C2orf49: variants seen among roughly 807,000 people sequenced by gnomAD.
The protein encoded by C2orf49 is tRNA splicing ligase complex subunit 2, also known as tRNA-splicing ligase complex subunit ASW.
A neutral mutation model predicts 20.6 loss-of-function variants in C2orf49; 11 were observed. That is an observed-to-expected ratio of 0.53 (90% CI 0.34 to 0.88). The LOEUF is 0.88. Among genes scored for constraint, C2orf49 ranks in the 40% least tolerant of loss-of-function variants. The pLI is 0.02. For synonymous variants in C2orf49, 134 were observed against 108.5 expected (o/e 1.24, Z -1.46); for missense variants, 289 against 274.2 (o/e 1.05, Z -0.38).
In C2orf49 at chr2:105,339,579, G is replaced by A. The variant is rs369458082; in HGVS notation, c.100-4G>A. 9.3e-5 allele frequency: 147 copies of A among 1,574,716 alleles called. No homozygotes were observed. The highest frequency in any genetic ancestry group is 8.3e-4 in the African/African-American group (60 of 72,160). ...TGAAATTACTTTTGTTTCCTTTCCC[G>A]CAGAAGAACATAGCTGTTGAAACTG... is the stretch of plus-strand genomic sequence containing the variant. On this transcript the variant is annotated splice_region_variant and splice_polypyrimidine_tract_variant and intron_variant, in intron 1 of 3. Coordinates refer to ENST00000258457, the MANE Select transcript of C2orf49 (RefSeq NM_024093.3).
chr2:105,364,042 A>G, the C2orf49 span, among the ~76,000 whole-genome samples: 1 of 152,182 alleles, frequency 6.6e-6, no homozygotes, highest in African/African-American at 2.4e-5. Flanking sequence ...GGATCACTTG[A>G]GGTCAGGAGT....
At chr2:105,378,286 A>G in the C2orf49 span, 22 of 434,698 alleles carry the variant, frequency 5.1e-5, no homozygotes, top group South Asian at 3.9e-4. Context: ...TGTGGATATT[A>G]TCCACATGTT....
At chr2:105,352,637 G>A (rs1355102468), downstream of C2orf49, among the ~76,000 whole-genome samples, 1 of 151,514 alleles carries the variant, frequency 6.6e-6, no homozygotes, top group African/African-American at 2.4e-5. Context: ...GTAGAGACGG[G>A]GTTTCACCAT....
At chr2:105,355,454 G>T in the C2orf49 span, among the ~76,000 whole-genome samples, 1 of 152,152 alleles carries the variant, frequency 6.6e-6, no homozygotes, top group African/African-American at 2.4e-5. Flanking sequence ...CTTTTTAAAG[G>T]TAGTGATTAA....
At chr2:105,350,348 A>G (rs570719123), downstream of C2orf49, among the ~76,000 whole-genome samples, 2 of 152,248 alleles carry the variant, frequency 1.3e-5, no homozygotes, top group South Asian at 4.1e-4. Context: ...GGGCAGTGGT[A>G]GTATAAAATG....
the C2orf49 span, chr2:105,359,442 A>T: frequency 6.6e-6 from 1 of 152,256 alleles, no homozygotes; most frequent in Non-Finnish European, 1.5e-5. Context: ...TAACACTCAG[A>T]TTAAGAAACT....
chr2:105,379,524 G>A, the C2orf49 span, among the ~76,000 whole-genome samples: 1 of 152,116 alleles, frequency 6.6e-6, no homozygotes, highest in Non-Finnish European at 1.5e-5. Context: ...ATGAAATAAA[G>A]TTTTATTCTT....
the C2orf49 span, chr2:105,357,598 T>A: frequency 6.6e-6 from 1 of 152,350 alleles, no homozygotes; most frequent in South Asian, 2.1e-4. Flanking sequence ...TCTAGATTAC[T>A]TATAATAATA....
the C2orf49 span, among the ~76,000 whole-genome samples, chr2:105,372,825 G>A: frequency 6.6e-6 from 1 of 152,160 alleles, no homozygotes; most frequent in Middle Eastern, 3.4e-3. Context: ...CCAAAGTACT[G>A]GAATTACAGG....
the C2orf49 span, among the ~76,000 whole-genome samples, chr2:105,362,538 A>T: frequency 6.6e-6 from 1 of 152,216 alleles, no homozygotes; most frequent in African/African-American, 2.4e-5. Context: ...CCTTCCTCTG[A>T]TAGGAACGAA....
At chr2:105,360,001 G>C in the C2orf49 span, 1 of 152,186 alleles carries the variant, frequency 6.6e-6, no homozygotes, top group Non-Finnish European at 1.5e-5. Context: ...AAGAGAAAGA[G>C]TATGGGAAAG....
chr2:105,383,790 T>A, the C2orf49 span, among the ~76,000 whole-genome samples: 1 of 152,228 alleles, frequency 6.6e-6, no homozygotes, highest in Non-Finnish European at 1.5e-5. Flanking sequence ...ACCCGATTAT[T>A]TTTGAAAGTC....
the C2orf49 span, among the ~76,000 whole-genome samples, chr2:105,357,522 T>C: frequency 6.6e-5 from 10 of 152,340 alleles, no homozygotes; most frequent in Non-Finnish European, 1.5e-4. Context: ...TGCTCAAGTC[T>C]CATATAAAAT....
At chr2:105,381,991 T>G in the C2orf49 span, among the ~76,000 whole-genome samples, 1 of 152,156 alleles carries the variant, frequency 6.6e-6, no homozygotes, top group East Asian at 1.9e-4. Flanking sequence ...GTCAGAAACC[T>G]TCCAAAATAT....
At chr2:105,355,909 C>T in the C2orf49 span, among the ~76,000 whole-genome samples, 6 of 151,560 alleles carry the variant, frequency 4.0e-5, no homozygotes, top group Non-Finnish European at 2.9e-5. Flanking sequence ...CAAACCAATG[C>T]GTAAATGAAC....
the C2orf49 span, among the ~76,000 whole-genome samples, chr2:105,370,160 C>T: frequency 1.3e-5 from 2 of 152,058 alleles, no homozygotes; most frequent in Non-Finnish European, 2.9e-5. Flanking sequence ...ATCTCTTGAG[C>T]CCAGGAGTTG....
chr2:105,362,043 C>A, the C2orf49 span, among the ~76,000 whole-genome samples: 1 of 152,124 alleles, frequency 6.6e-6, no homozygotes, highest in South Asian at 2.1e-4. Flanking sequence ...TTCTCAGTGC[C>A]ACAATAACCA....
the C2orf49 span, among the ~76,000 whole-genome samples, chr2:105,382,575 C>T: frequency 2.0e-5 from 3 of 152,226 alleles, no homozygotes; most frequent in Non-Finnish European, 4.4e-5. Flanking sequence ...GCAGTTTAGG[C>T]ATTTACAAGT....
At chr2:105,356,938 TTTTTTC>T in the C2orf49 span, among the ~76,000 whole-genome samples, 1 of 152,086 alleles carries the variant, frequency 6.6e-6, no homozygotes, top group Non-Finnish European at 1.5e-5. Context: ...CATTAACTCT[TTTTTTC>T]TTTTTCTTTT....
Sources: gnomAD v4.1 joint callset for allele counts (sites outside exome capture counted in the v4.1 genomes callset) on GRCh38, gnomAD v4.1.1 for gene constraint, MANE v1.5 for transcripts, NCBI Gene and HGNC (gene_info 2026-07-23, HGNC 2026-07-21) for gene names.